Variants in SMARCA2 observed in about 807,000 individuals in gnomAD.
SMARCA2 encodes the protein SWI/SNF-related matrix-associated actin-dependent regulator of chromatin subfamily A member 2.
Under a neutral mutation model 199.8 loss-of-function variants are expected in SMARCA2, and 61 were observed. That is an observed-to-expected ratio of 0.31 (90% CI 0.25 to 0.38). The LOEUF (loss-of-function observed/expected upper bound fraction) is 0.38. Among genes scored for constraint, SMARCA2 ranks in the 10% least tolerant of loss-of-function variants. The probability of loss-of-function intolerance (pLI) is 1.00; values close to 1 mark genes in which losing one functional copy is unlikely to be tolerated. For synonymous variants in SMARCA2, 935 were observed against 732.0 expected (o/e 1.28, Z -4.48); for missense variants, 1,344 against 2,012.2 (o/e 0.67, Z 6.35).
intron 27 of SMARCA2, among the ~76,000 whole-genome samples, chr9:2,129,274 C>T (rs1419182222): frequency 1.3e-5 from 2 of 151,998 alleles, no homozygotes; most frequent in African/African-American, 2.4e-5. Context: ...AAAAATTAGC[C>T]GGGCGTGGTG....
At chr9:2,061,938 G>A (rs1271327763) in intron 9 of SMARCA2, among the ~76,000 whole-genome samples, 2 of 152,208 alleles carry the variant, frequency 1.3e-5, no homozygotes, top group Non-Finnish European at 2.9e-5. Flanking sequence ...TTACCTCATT[G>A]TGAAGATGAA....
At chr9:2,025,160 T>C (rs961367374) in intron 1 of SMARCA2, among the ~76,000 whole-genome samples, 3 of 152,244 alleles carry the variant, frequency 2.0e-5, no homozygotes, top group Non-Finnish European at 4.4e-5. Context: ...CTCTTCTTTT[T>C]AAAAACACAC....
At chr9:2,142,464 A>T (rs1824510513) in intron 27 of SMARCA2, among the ~76,000 whole-genome samples, 1 of 152,054 alleles carries the variant, frequency 6.6e-6, no homozygotes, top group African/African-American at 2.4e-5. Context: ...CTCTCTCCTG[A>T]TTTCTCAGAA....
At chr9:2,158,882 A>C (rs187662390) in intron 27 of SMARCA2, 103 of 1,536,972 alleles carry the variant, frequency 6.7e-5, no homozygotes, top group Non-Finnish European at 6.0e-5. Flanking sequence ...AACATAAAGC[A>C]CTGCATATGG....
intron 8 of SMARCA2, among the ~76,000 whole-genome samples, chr9:2,058,712 C>T (rs574591020): frequency 6.6e-6 from 1 of 152,254 alleles, no homozygotes; most frequent in African/African-American, 2.4e-5. Context: ...TTGCGCGGTA[C>T]ACATTACAGC....
At chr9:2,025,079 A>G (rs939503379) in intron 1 of SMARCA2, among the ~76,000 whole-genome samples, 1 of 129,220 alleles carries the variant, frequency 7.7e-6, no homozygotes, top group East Asian at 2.5e-4. Context: ...CCTTTCAGCT[A>G]AGGGCAGAGG....
intron 17 of SMARCA2, among the ~76,000 whole-genome samples, chr9:2,085,439 C>T (rs1201090664): frequency 6.6e-6 from 1 of 151,944 alleles, no homozygotes; most frequent in African/African-American, 2.4e-5. Context: ...AGTAGTAGAC[C>T]CCATAGCAAA....
At chr9:2,041,937 C>G (rs536558973) in intron 4 of SMARCA2, 1 of 152,300 alleles carries the variant, frequency 6.6e-6, no homozygotes, top group South Asian at 2.1e-4. Context: ...TTGCATGTGT[C>G]ACACAACTAA....
intron 1 of SMARCA2, chr9:2,022,186 C>A (rs546820893): frequency 6.6e-6 from 1 of 152,286 alleles, no homozygotes; most frequent in South Asian, 2.1e-4. Flanking sequence ...CAAGGGAATA[C>A]ATGAACAAAG....
At chr9:2,133,431 A>G (rs999322210) in intron 27 of SMARCA2, among the ~76,000 whole-genome samples, 1 of 151,836 alleles carries the variant, frequency 6.6e-6, no homozygotes, top group African/African-American at 2.4e-5. Flanking sequence ...ACGGGTACGC[A>G]CCGCCACACC....
intron 28 of SMARCA2, among the ~76,000 whole-genome samples, chr9:2,168,233 A>G (rs911670960): frequency 6.6e-6 from 1 of 151,222 alleles, no homozygotes; most frequent in African/African-American, 2.4e-5. Flanking sequence ...CTGGTCTCGA[A>G]CTCCTGACCT....
chr9:2,129,676 G>A (rs1021711086), intron 27 of SMARCA2, among the ~76,000 whole-genome samples: 2 of 152,172 alleles, frequency 1.3e-5, no homozygotes, highest in African/African-American at 4.8e-5. Flanking sequence ...CTGGAGGTCA[G>A]ACTGGCTCAC....
In SMARCA2 at chr9:2,176,727, A is replaced by ATT. The variant is rs71491991; in HGVS notation, c.4254-4834_4254-4833dup. 9.7e-3 allele frequency among the ~76,000 whole-genome samples: 1,430 copies of ATT among 147,502 alleles called. 13 individuals carry two copies. The highest frequency in any genetic ancestry group is 0.024 in the African/African-American group (948 of 40,130). ...GCCACCACGCCTGGCTAAGTTTTGTATTTTTTTTTTTGTAGAGATGAGGTT... is the reference window on the plus strand; with the variant it reads ...GCCACCACGCCTGGCTAAGTTTTGTATTTTTTTTTTTTTGTAGAGATGAGGTT... On this transcript the variant is annotated intron_variant, in intron 29 of 33. Transcript: ENST00000349721.
chr9:2,186,245 G>T lies in SMARCA2; in HGVS notation c.4594+17G>T. 1 of 1,608,608 alleles carries T rather than the reference G, an allele frequency of 6.2e-7. No individual in the cohort carries two copies. Among genetic ancestry groups the T allele is most frequent in the Non-Finnish European group, 8.5e-7 (1 of 1,176,760 alleles). ...AGTCCGAGGGTAAGCCCAGACATTC[G>T]GGTCCTGTACATCTTTGCCCCTCCT... On this transcript the variant is annotated intron_variant, in intron 32 of 33. Transcript: ENST00000349721.
chr9:2,171,332 C>T (rs1463593830), intron 29 of SMARCA2, among the ~76,000 whole-genome samples: 1 of 152,096 alleles, frequency 6.6e-6, no homozygotes, highest in African/African-American at 2.4e-5. Flanking sequence ...ATTTTTTCCA[C>T]CAGCATAGGA....
intron 9 of SMARCA2, among the ~76,000 whole-genome samples, chr9:2,062,153 A>G (rs533282414): frequency 1.1e-4 from 16 of 152,256 alleles, no homozygotes; most frequent in Non-Finnish European, 2.2e-4. Context: ...AGTTATTACC[A>G]CTGAACTGTA....
chr9:2,055,925 T>C (rs1171243725), intron 6 of SMARCA2, among the ~76,000 whole-genome samples: 2 of 152,244 alleles, frequency 1.3e-5, no homozygotes, highest in African/African-American at 2.4e-5. Flanking sequence ...TTTTGTTTGA[T>C]ATTATTTTAA....
At chr9:2,118,247 T>C (rs530774907) in intron 25 of SMARCA2, among the ~76,000 whole-genome samples, 1 of 152,224 alleles carries the variant, frequency 6.6e-6, no homozygotes, top group African/African-American at 2.4e-5. Context: ...CCTTGTCAGA[T>C]GAAATGTAAT....
intron 1 of SMARCA2, among the ~76,000 whole-genome samples, chr9:2,022,905 C>T (rs1176559709): frequency 6.6e-6 from 1 of 152,204 alleles, no homozygotes; most frequent in Non-Finnish European, 1.5e-5. Flanking sequence ...TTGGGTTCCA[C>T]TGAATTTTAA....
Sources: gnomAD v4.1 joint callset for allele counts (sites outside exome capture counted in the v4.1 genomes callset) on GRCh38, gnomAD v4.1.1 for gene constraint, MANE v1.5 for transcripts, NCBI Gene and HGNC (gene_info 2026-07-23, HGNC 2026-07-21) for gene names.